Variants in ITPRID1 observed in about 807,000 individuals in gnomAD.
ITPRID1 encodes the protein protein ITPRID1.
ITPRID1 carries 96 observed loss-of-function variants against 95.4 expected under a neutral mutation model. That is an observed-to-expected ratio of 1.01 (90% CI 0.85 to 1.19). The LOEUF is 1.19. Ranked by LOEUF, ITPRID1 falls within the 50% of genes most tolerant of loss-of-function variation. The pLI, the probability that ITPRID1 is intolerant of heterozygous loss-of-function variation, is 0.00. For synonymous variants in ITPRID1, 510 were observed against 453.6 expected (o/e 1.12, Z -1.58); for missense variants, 1,339 against 1,252.9 (o/e 1.07, Z -1.04).
intron 10 of ITPRID1, among the ~76,000 whole-genome samples, chr7:31,636,650 C>G (rs1454323546): frequency 1.3e-5 from 2 of 151,938 alleles, no homozygotes; most frequent in Non-Finnish European, 2.9e-5. Flanking sequence ...GCTCTCCTAT[C>G]CCATACTTTG....
Position 31,599,585 on chromosome 7 carries a change from TTTTCTTTCTTTCTTTCTTTC to T in ITPRID1, c.1228+16438_1228+16457del, listed in dbSNP as rs527461356. Among the ~76,000 whole-genome samples the T allele has an allele frequency of 6.5e-3, 739 of 112,868 alleles. 30 individuals carry two copies. The highest frequency in any genetic ancestry group is 0.011 in the African/African-American group (319 of 29,294). The allele number at this position is 112,868 out of a possible 152,430, so 74.0% of individuals were successfully genotyped here. A position where few individuals can be genotyped will look rare whatever the true frequency, so the allele number is the denominator to read the frequency against. ...TGAAGAATATGTATTTGTTGTGTTA[TTTTCTTTCTTTCTTTCTTTC>T]TTTCTTTCTTTCTTTCTTTCTTTCT... On this transcript the variant is annotated intron_variant, in intron 10 of 14. Transcript: ENST00000615280.
chr7:31,629,110 T>C (rs1274336478), intron 10 of ITPRID1, among the ~76,000 whole-genome samples: 2 of 152,210 alleles, frequency 1.3e-5, no homozygotes, highest in African/African-American at 4.8e-5. Flanking sequence ...TCTATCCTTC[T>C]ATTTCTGTAA....
At chr7:31,607,972 C>T (rs1786700062) in intron 10 of ITPRID1, among the ~76,000 whole-genome samples, 1 of 151,818 alleles carries the variant, frequency 6.6e-6, no homozygotes, top group Non-Finnish European at 1.5e-5. Context: ...GTCATGGTTG[C>T]AATGCTTATG....
At chr7:31,620,291 G>C (rs563579356) in intron 10 of ITPRID1, among the ~76,000 whole-genome samples, 2 of 152,022 alleles carry the variant, frequency 1.3e-5, no homozygotes, top group African/African-American at 4.8e-5. Flanking sequence ...ATCTGAGAAC[G>C]GGCAGACTGC....
chr7:31,608,953 G>C (rs937729639), intron 10 of ITPRID1, among the ~76,000 whole-genome samples: 1 of 151,570 alleles, frequency 6.6e-6, no homozygotes, highest in Non-Finnish European at 1.5e-5. Flanking sequence ...TGATGTTAGC[G>C]ATGGCCTTTT....
chr7:31,612,217 T>C (rs1444285508), intron 10 of ITPRID1, among the ~76,000 whole-genome samples: 1 of 152,144 alleles, frequency 6.6e-6, no homozygotes, highest in Non-Finnish European at 1.5e-5. Context: ...TTTACCTCTT[T>C]ATGATACTCT....
chr7:31,525,941 C>A (rs576088720), intron 1 of ITPRID1, among the ~76,000 whole-genome samples: 1 of 152,148 alleles, frequency 6.6e-6, no homozygotes, highest in South Asian at 2.1e-4. Flanking sequence ...TTTCTGGTAA[C>A]TTTCTGGCTC....
intron 10 of ITPRID1, among the ~76,000 whole-genome samples, chr7:31,639,598 G>T (rs191698019): frequency 1.1e-4 from 17 of 148,058 alleles, no homozygotes; most frequent in African/African-American, 4.2e-4. Flanking sequence ...GTGCAGTGGC[G>T]CAATCTCAGC....
intron 1 of ITPRID1, among the ~76,000 whole-genome samples, chr7:31,533,735 C>A (rs1269232040): frequency 2.6e-5 from 4 of 152,122 alleles, no homozygotes; most frequent in Admixed American, 1.3e-4. Flanking sequence ...TCATTTAAAG[C>A]ATTATGGTTT....
intron 5 of ITPRID1, among the ~76,000 whole-genome samples, chr7:31,563,912 T>A (rs1195710357): frequency 6.6e-6 from 1 of 152,134 alleles, no homozygotes; most frequent in Non-Finnish European, 1.5e-5. Context: ...GAACATAGAT[T>A]AATAATTTGC....
intron 10 of ITPRID1, among the ~76,000 whole-genome samples, chr7:31,599,176 T>G (rs1786236846): frequency 6.6e-6 from 1 of 152,096 alleles, no homozygotes; most frequent in African/African-American, 2.4e-5. Flanking sequence ...ATCAAATCAA[T>G]AAGAAAATGG....
Position 31,655,812 on chromosome 7 carries a change from T to A in ITPRID1, c.*2983T>A, listed in dbSNP as rs1791275546. 6 of 985,664 alleles carry A rather than the reference T, an allele frequency of 6.1e-6. No individual in the cohort carries two copies. The South Asian group carries it at 2.8e-4, about 46-fold the overall frequency. 61.1% of individuals were successfully genotyped at this position (985,664 alleles called of 1,614,324 possible). A position where few individuals can be genotyped will look rare whatever the true frequency, so the allele number is the denominator to read the frequency against. ...GGCTTTTGACCTCCCCTTCTCCATG[T>A]AGACTCCGAGCTCTCCTGCAGTTTC... is the stretch of plus-strand genomic sequence containing the variant. On this transcript the variant is annotated 3_prime_UTR_variant, in exon 15 of 15. Coordinates refer to ENST00000615280, the MANE Select transcript of ITPRID1 (RefSeq NM_001257967.3).
At chr7:31,526,981 C>T (rs1421888365) in intron 1 of ITPRID1, among the ~76,000 whole-genome samples, 2 of 152,200 alleles carry the variant, frequency 1.3e-5, no homozygotes, top group Admixed American at 6.5e-5. Context: ...CAAAGTCCTT[C>T]ATATTTTGAT....
At chr7:31,552,834 C>G (rs893119476) in intron 2 of ITPRID1, among the ~76,000 whole-genome samples, 168 bp from the exon 3 acceptor site, 1 of 152,116 alleles carries the variant, frequency 6.6e-6, no homozygotes, top group Non-Finnish European at 1.5e-5. Flanking sequence ...TTTCACCAAA[C>G]TGAGACAGGG....
chr7:31,516,257 G>A (rs1034321856), intron 1 of ITPRID1, among the ~76,000 whole-genome samples: 11 of 152,068 alleles, frequency 7.2e-5, no homozygotes, highest in African/African-American at 2.7e-4. Flanking sequence ...GTTTGTTGAA[G>A]GTTTCTGCGT....
At chr7:31,557,817 G>C (rs1276591343) in intron 5 of ITPRID1, among the ~76,000 whole-genome samples, 1 of 152,134 alleles carries the variant, frequency 6.6e-6, no homozygotes, top group Non-Finnish European at 1.5e-5. Flanking sequence ...GCTTAGATCT[G>C]TCTGTCTGTA....
intron 10 of ITPRID1, among the ~76,000 whole-genome samples, chr7:31,638,042 C>T (rs1455422319): frequency 6.6e-6 from 1 of 152,134 alleles, no homozygotes; most frequent in Non-Finnish European, 1.5e-5. Context: ...GCCCTCTCAA[C>T]AGGTTATTAA....
intron 12 of ITPRID1, among the ~76,000 whole-genome samples, chr7:31,649,962 A>T (rs1790805974): frequency 6.6e-6 from 1 of 152,186 alleles, no homozygotes; most frequent in South Asian, 2.1e-4. Flanking sequence ...GGGAGGGTGA[A>T]GAGTAGGGGC....
rs1790225555 is a variant in ITPRID1, at chr7:31,643,726, G to A, written c.2356G>A (p.Asp786Asn). 6.2e-7 allele frequency: 1 copy of A among 1,614,028 alleles called. No homozygotes were observed. Among genetic ancestry groups the A allele is most frequent in the South Asian group, 1.1e-5 (1 of 91,086 alleles). Residue 786 changes from aspartate to asparagine, a missense_variant, in exon 12 of 15, where the codon GAC (aspartate) becomes AAC (asparagine). Physicochemically the swap from Asp to Asn is conservative, Grantham distance 23. Coordinates refer to ENST00000615280, the MANE Select transcript of ITPRID1 (RefSeq NM_001257967.3). Reference protein sequence around the residue: ...PQPLTKSVSLDSGFSSICPMG... With the variant: ...PQPLTKSVSLNSGFSSICPMG... ...GCCCCTCACCAAATCCGTCTCTCTA[G>A]ACTCAGGCTTCTCTAGTATCTGCCC...
Sources: allele counts gnomAD v4.1 joint callset (sites outside exome capture counted in the v4.1 genomes callset), GRCh38; gene constraint gnomAD v4.1.1; transcripts MANE v1.5; gene names NCBI Gene and HGNC (gene_info 2026-07-23, HGNC 2026-07-21).